TMEM132B: variants seen among roughly 807,000 people sequenced by gnomAD.
The protein encoded by TMEM132B is transmembrane protein 132B.
Under a neutral mutation model 90.8 loss-of-function variants are expected in TMEM132B, and 18 were observed. That is an observed-to-expected ratio of 0.20 (90% CI 0.14 to 0.29). The LOEUF is 0.29. Among genes scored for constraint, TMEM132B ranks in the 10% least tolerant of loss-of-function variants. The probability of loss-of-function intolerance (pLI) is 1.00; values close to 1 mark genes in which losing one functional copy is unlikely to be tolerated. For synonymous variants in TMEM132B, 504 were observed against 523.3 expected (o/e 0.96, Z 0.50); for missense variants, 1,096 against 1,326.8 (o/e 0.83, Z 2.70).
intron 3 of TMEM132B, among the ~76,000 whole-genome samples, chr12:125,491,967 A>G (rs1182051161): frequency 2.0e-5 from 3 of 152,220 alleles, no homozygotes; most frequent in Admixed American, 6.5e-5. Flanking sequence ...CACAGTTAGG[A>G]TAAAGGGAGT....
intron 3 of TMEM132B, among the ~76,000 whole-genome samples, chr12:125,514,393 C>T (rs912578280): frequency 6.6e-6 from 1 of 152,156 alleles, no homozygotes; most frequent in Admixed American, 6.5e-5. Flanking sequence ...CAGAGGTCCC[C>T]GTCTCCCATT....
chr12:125,587,878 G>T, intron 5 of TMEM132B: 1 of 152,214 alleles, frequency 6.6e-6, no homozygotes, highest in East Asian at 1.9e-4. Context: ...TGTCTGAGAG[G>T]CTGAGGACTC....
At chr12:125,438,865 C>T (rs1486882839) in intron 3 of TMEM132B, among the ~76,000 whole-genome samples, 1 of 152,194 alleles carries the variant, frequency 6.6e-6, no homozygotes, top group Non-Finnish European at 1.5e-5. Flanking sequence ...GGTAGCATTT[C>T]CCAAGTTAAT....
intron 4 of TMEM132B, among the ~76,000 whole-genome samples, chr12:125,522,956 A>G (rs549116128): frequency 1.3e-5 from 2 of 152,192 alleles, no homozygotes; most frequent in Non-Finnish European, 2.9e-5. Context: ...AATCGATAAC[A>G]AGCATACTGC....
At chr12:125,378,480 A>G (rs191604876) in intron 2 of TMEM132B, among the ~76,000 whole-genome samples, 6 of 152,360 alleles carry the variant, frequency 3.9e-5, no homozygotes, top group African/African-American at 9.6e-5. Context: ...TCAAAGACTC[A>G]GGCTCTGCCT....
chr12:125,607,021 C>T (rs935125653), intron 5 of TMEM132B, among the ~76,000 whole-genome samples: 3 of 152,152 alleles, frequency 2.0e-5, no homozygotes, highest in African/African-American at 7.2e-5. Flanking sequence ...TAGGAGTAGT[C>T]TTGGACACCC....
chr12:125,649,853 G>A (rs779287232), intron 6 of TMEM132B, among the ~76,000 whole-genome samples: 4 of 152,180 alleles, frequency 2.6e-5, no homozygotes, highest in Non-Finnish European at 4.4e-5. Context: ...GACAGGTGGA[G>A]GTTAGAGGAT....
At chr12:125,330,656 T>A (rs994091237) in intron 1 of TMEM132B, among the ~76,000 whole-genome samples, 3 of 152,202 alleles carry the variant, frequency 2.0e-5, no homozygotes, top group African/African-American at 7.2e-5. Flanking sequence ...AACAGCAATA[T>A]GTATCAAAAG....
At position 125,416,244 on chromosome 12, in the gene TMEM132B, T is replaced by C. The variant is rs139891915; in HGVS notation, c.1106+567T>C. 9.9e-3 allele frequency among the ~76,000 whole-genome samples: 1,514 copies of C among 152,290 alleles called. 25 individuals are homozygous for C. Among genetic ancestry groups the C allele is most frequent in the African/African-American group, 0.034 (1,395 of 41,556 alleles). ...GACATCTGGCAGGTAGAAAGAACTC[T>C]CACCTGTGTTGCAGCCGCCTTCCCT... On this transcript the variant is annotated intron_variant, in intron 3 of 8. Transcript: ENST00000682704.
intron 3 of TMEM132B, among the ~76,000 whole-genome samples, chr12:125,424,358 C>T (rs1186627090): frequency 3.3e-5 from 5 of 152,156 alleles, no homozygotes; most frequent in African/African-American, 1.2e-4. Flanking sequence ...CCAGTGCTCA[C>T]TTCCTTTGCC....
In TMEM132B at chr12:125,315,983, C is replaced by A. The variant is rs141550931; in HGVS notation, c.68-33469C>A. ...AGAAATGGAAGATCAGCATCCCCCCCTCACCTGGCTGGCTTTTCTGGGGAC... is the reference window on the plus strand; with the variant it reads ...AGAAATGGAAGATCAGCATCCCCCCATCACCTGGCTGGCTTTTCTGGGGAC... On this transcript the variant is annotated intron_variant, in intron 1 of 8. Coordinates refer to ENST00000682704, the MANE Select transcript of TMEM132B (RefSeq NM_001366854.1). Among the ~76,000 whole-genome samples the A allele has an allele frequency of 1.2e-4, 18 of 152,236 alleles. No homozygotes were observed. In the East Asian group the frequency reaches 3.3e-3, roughly 28 times the overall value.
At chr12:125,537,262 A>G (rs1883830180) in intron 4 of TMEM132B, among the ~76,000 whole-genome samples, 1 of 152,240 alleles carries the variant, frequency 6.6e-6, no homozygotes. Flanking sequence ...GTTCAAGGGT[A>G]TTGCCTTTCA....
intron 2 of TMEM132B, among the ~76,000 whole-genome samples, chr12:125,401,898 A>T (rs1879331562): frequency 6.6e-6 from 1 of 152,182 alleles, no homozygotes; most frequent in Non-Finnish European, 1.5e-5. Flanking sequence ...TAGTAAACAA[A>T]ATTAGGGGTT....
chr12:125,628,138 T>C (rs371415629), intron 5 of TMEM132B, among the ~76,000 whole-genome samples: 1 of 152,208 alleles, frequency 6.6e-6, no homozygotes, highest in Admixed American at 6.5e-5. Flanking sequence ...TTTGAAGTAA[T>C]GATTTCCTTT....
chr12:125,551,169 C>G (rs1884220902), intron 4 of TMEM132B, among the ~76,000 whole-genome samples: 1 of 152,228 alleles, frequency 6.6e-6, no homozygotes, highest in Non-Finnish European at 1.5e-5. Flanking sequence ...TTGAGTTACT[C>G]TGGTTTAATT....
At chr12:125,324,020 A>G (rs771446408) in intron 1 of TMEM132B, among the ~76,000 whole-genome samples, 11 of 151,982 alleles carry the variant, frequency 7.2e-5, no homozygotes, top group Non-Finnish European at 1.5e-4. Context: ...TTTCCTTAGA[A>G]ACACACACAT....
chr12:125,472,835 A>G (rs753630449), intron 3 of TMEM132B, among the ~76,000 whole-genome samples: 3 of 152,150 alleles, frequency 2.0e-5, no homozygotes, highest in Non-Finnish European at 4.4e-5. Flanking sequence ...ACTATGAGTG[A>G]TAAGTTTCGG....
At chr12:125,282,590 G>A (rs982512497) in intron 1 of TMEM132B, among the ~76,000 whole-genome samples, 2 of 152,184 alleles carry the variant, frequency 1.3e-5, no homozygotes, top group African/African-American at 4.8e-5. Flanking sequence ...GGGCAGCTAT[G>A]TTGTCCCCTC....
intron 4 of TMEM132B, among the ~76,000 whole-genome samples, chr12:125,538,554 C>T (rs1019574676): frequency 1.3e-5 from 2 of 152,176 alleles, no homozygotes; most frequent in Non-Finnish European, 2.9e-5. Flanking sequence ...ATCAATGAAA[C>T]TTTCTATTCC....
Sources: gnomAD v4.1 joint callset for allele counts (sites outside exome capture counted in the v4.1 genomes callset) on GRCh38, gnomAD v4.1.1 for gene constraint, MANE v1.5 for transcripts, NCBI Gene and HGNC (gene_info 2026-07-23, HGNC 2026-07-21) for gene names.